XRCC4: variants seen among roughly 807,000 people sequenced by gnomAD.
The protein encoded by XRCC4 is X-ray repair cross complementing 4, also known as DNA repair protein XRCC4.
A neutral mutation model predicts 39.1 loss-of-function variants in XRCC4; 28 were observed. That is an observed-to-expected ratio of 0.72 (90% confidence interval 0.53 to 0.98). XRCC4 has a LOEUF of 0.98. XRCC4 is among the 50% of genes least tolerant of loss of function. The probability of loss-of-function intolerance (pLI) is 0.00; values close to 1 mark genes in which losing one functional copy is unlikely to be tolerated. For missense variants in XRCC4, 350 were observed against 376.4 expected, an observed-to-expected ratio of 0.93 and a Z score of 0.58; for synonymous variants, 123 against 126.4, an observed-to-expected ratio of 0.97 and a Z score of 0.18.
At chr5:83,097,488 T>G (rs958847560) in intron 1 of XRCC4, among the ~76,000 whole-genome samples, 2 of 152,136 alleles carry the variant, frequency 1.3e-5, no homozygotes, top group Non-Finnish European at 2.9e-5. Flanking sequence ...AGTACATTGT[T>G]TATAAGTCTT....
chr5:83,362,451 G>A, the XRCC4 span, among the ~76,000 whole-genome samples: 3 of 152,122 alleles, frequency 2.0e-5, no homozygotes, highest in Admixed American at 1.3e-4. Flanking sequence ...GAATTTCACA[G>A]TGTGGTTACG....
chr5:83,161,778 G>GA (rs1277684798), intron 3 of XRCC4, among the ~76,000 whole-genome samples: 1 of 152,152 alleles, frequency 6.6e-6, no homozygotes, highest in Non-Finnish European at 1.5e-5. Context: ...TCTTGTCCTT[G>GA]AACCTGTATT....
chr5:83,130,704 G>A (rs1243914567), intron 3 of XRCC4, among the ~76,000 whole-genome samples: 2 of 152,128 alleles, frequency 1.3e-5, no homozygotes, highest in Admixed American at 6.6e-5. Flanking sequence ...TTGGGAGGGT[G>A]TATGTGTCGA....
chr5:83,168,790 A>G (rs1327034535), intron 3 of XRCC4, among the ~76,000 whole-genome samples: 2 of 152,216 alleles, frequency 1.3e-5, no homozygotes, highest in African/African-American at 4.8e-5. Flanking sequence ...AACTTTTAGA[A>G]TTGAACATCA....
intron 7 of XRCC4, among the ~76,000 whole-genome samples, chr5:83,351,186 C>T (rs1040339513): frequency 8.5e-5 from 13 of 152,290 alleles, no homozygotes; most frequent in Non-Finnish European, 1.9e-4. Flanking sequence ...GCTTCCCTTT[C>T]ACCTTCTACC....
chr5:83,310,862 T>C (rs1428030494), intron 7 of XRCC4: 5 of 456,492 alleles, frequency 1.1e-5, no homozygotes, highest in Non-Finnish European at 2.2e-5. Context: ...GATGCTAAGC[T>C]GCTGCCTTTG....
chr5:83,226,973 ATGT>A (rs1752315043), intron 6 of XRCC4, among the ~76,000 whole-genome samples: 2 of 152,016 alleles, frequency 1.3e-5, no homozygotes, highest in African/African-American at 4.8e-5. Context: ...ATTTCATTAC[ATGT>A]ATATTAGACT....
At chr5:83,372,611 A>G in the XRCC4 span, among the ~76,000 whole-genome samples, 1 of 152,236 alleles carries the variant, frequency 6.6e-6, no homozygotes, top group Non-Finnish European at 1.5e-5. Context: ...TTATTTTTAA[A>G]CTGTCTGTAG....
In XRCC4 at chr5:83,199,296, T is replaced by C. The variant is rs138349973; in HGVS notation, c.482+3360T>C. ...TTCCATCTATGGGTAATCTGAATCC[T>C]TCACGGTATAGTTGAAGGCCATTTC... On this transcript the variant is annotated intron_variant, in intron 4 of 7. Coordinates refer to ENST00000396027, the MANE Select transcript of XRCC4 (RefSeq NM_003401.5). Among the ~76,000 whole-genome samples, 1,172 of 152,284 alleles carry C rather than the reference T, an allele frequency of 7.7e-3. 12 individuals are homozygous for C. Among genetic ancestry groups the C allele is most frequent in the African/African-American group, 0.026 (1,096 of 41,554 alleles).
intron 6 of XRCC4, among the ~76,000 whole-genome samples, chr5:83,230,101 G>T (rs188738043): frequency 7.6e-4 from 115 of 151,788 alleles, no homozygotes; most frequent in African/African-American, 2.6e-3. Context: ...AACATTTGCA[G>T]CATGTTTGAT....
intron 6 of XRCC4, among the ~76,000 whole-genome samples, chr5:83,219,840 T>A (rs1353786164): frequency 6.6e-6 from 1 of 152,222 alleles, no homozygotes; most frequent in African/African-American, 2.4e-5. Context: ...AATATCAACA[T>A]ATTCTTTTTC....
chr5:83,258,378 GA>G (rs1430974357), intron 6 of XRCC4, 151 bp from the exon 7 acceptor site: 1 of 860,378 alleles, frequency 1.2e-6, no homozygotes, highest in African/African-American at 1.8e-5. Context: ...GCATCTAACT[GA>G]CTTGATTCAA....
At chr5:83,086,660 G>A (rs1180851368) in intron 1 of XRCC4, among the ~76,000 whole-genome samples, 1 of 152,166 alleles carries the variant, frequency 6.6e-6, no homozygotes, top group Non-Finnish European at 1.5e-5. Flanking sequence ...GGTGGACACA[G>A]TTGGTGTAAC....
At chr5:83,257,705 C>T (rs1211726211) in intron 6 of XRCC4, among the ~76,000 whole-genome samples, 1 of 151,980 alleles carries the variant, frequency 6.6e-6, no homozygotes, top group African/African-American at 2.4e-5. Flanking sequence ...CCAAAGTATT[C>T]TAAATCATTC....
At chr5:83,372,471 C>A in the XRCC4 span, among the ~76,000 whole-genome samples, 1 of 152,148 alleles carries the variant, frequency 6.6e-6, no homozygotes, top group Non-Finnish European at 1.5e-5. Flanking sequence ...ATAAGCCTGT[C>A]CTACTCCGAG....
intron 3 of XRCC4, among the ~76,000 whole-genome samples, chr5:83,162,187 G>A (rs1749248802): frequency 6.6e-6 from 1 of 151,850 alleles, no homozygotes; most frequent in African/African-American, 2.4e-5. Flanking sequence ...AAATTAATTA[G>A]TTTTAAAAAA....
At chr5:83,219,716 T>G (rs977063227) in intron 6 of XRCC4, among the ~76,000 whole-genome samples, 3 of 152,146 alleles carry the variant, frequency 2.0e-5, no homozygotes, top group African/African-American at 7.2e-5. Flanking sequence ...CACACTGGAT[T>G]TCGAAAACCT....
At chr5:83,160,275 GA>G (rs1437595021) in intron 3 of XRCC4, among the ~76,000 whole-genome samples, 8 of 152,012 alleles carry the variant, frequency 5.3e-5, no homozygotes, top group African/African-American at 1.9e-4. Flanking sequence ...GAATAAAGAG[GA>G]AAAAACTGAA....
At chr5:83,346,777 T>G (rs56744005) in intron 7 of XRCC4, among the ~76,000 whole-genome samples, 2,953 of 152,222 alleles carry the variant, frequency 0.019, 73 homozygotes, top group African/African-American at 0.066. Flanking sequence ...AAATTACAAA[T>G]ATGAAATGAA....
Sources: allele counts gnomAD v4.1 joint callset (sites outside exome capture counted in the v4.1 genomes callset), GRCh38; gene constraint gnomAD v4.1.1; transcripts MANE v1.5; gene names NCBI Gene and HGNC (gene_info 2026-07-23, HGNC 2026-07-21).